Variants in RYR1 observed in about 807,000 individuals in gnomAD.
RYR1 encodes ryanodine receptor 1, also known as central core disease of muscle.
A neutral mutation model predicts 583.5 loss-of-function variants in RYR1; 342 were observed. The observed-to-expected ratio is 0.59, with a 90% CI of 0.54 to 0.64. The LOEUF (loss-of-function observed/expected upper bound fraction) is 0.64. Ranked by LOEUF, RYR1 falls within the 30% of genes least tolerant of loss-of-function variation. The pLI, the probability that RYR1 is intolerant of heterozygous loss-of-function variation, is 0.00. For synonymous variants in RYR1, 2,791 were observed against 2,822.5 expected, an observed-to-expected ratio of 0.99 and a Z score of 0.35; for missense variants, 6,032 against 6,917.2, an observed-to-expected ratio of 0.87 and a Z score of 4.54.
intron 30 of RYR1, 24 bp downstream of exon 30, chr19:38,477,894 G>GGGGT: frequency 1.8e-6 from 2 of 1,083,054 alleles, no homozygotes; most frequent in Non-Finnish European, 2.7e-6. Context: ...GGGGAGGTGG[G>GGGGT]AGGTGCAGGG....
chr19:38,507,854 C>A (rs1318680594), intron 58 of RYR1, 27 bp downstream of exon 58: 3 of 1,421,136 alleles, frequency 2.1e-6, no homozygotes, highest in Non-Finnish European at 3.0e-6. Context: ...CCCGCTTATG[C>A]CCGCCCCACC....
At chr19:38,530,278 C>G (rs1357565116) in intron 76 of RYR1, among the ~76,000 whole-genome samples, 2 of 151,426 alleles carry the variant, frequency 1.3e-5, no homozygotes, top group Non-Finnish European at 2.9e-5. Flanking sequence ...TTGAGAAGAT[C>G]TTGCTCTTCT....
rs1971121379 is a variant in RYR1, at chr19:38,519,407, C to T, written c.10212C>T (p.Asp3404=). The T allele has an allele frequency of 4.4e-6, 7 of 1,602,586 alleles. No homozygotes were observed. Among genetic ancestry groups the T allele is most frequent in the African/African-American group, 1.3e-5 (1 of 74,482 alleles). ...VRDEFSVLCR[D]LYALYPLLIR... is the part of the protein sequence containing the mutation. ...ACGAGTTCTCTGTGCTCTGCCGGGA[C>T]CTCTACGCCCTGTATCCGCTGCTCA... The change falls in exon 67 of 106, where the codon GAC becomes GAT. Residue 3404 remains aspartate, a synonymous_variant. Transcript: ENST00000359596.
chr19:38,516,175 G>A lies in RYR1; in HGVS notation c.9643G>A (p.Ala3215Thr), dbSNP rs745421419. 10 of 1,567,744 alleles carry A rather than the reference G, an allele frequency of 6.4e-6. No individual in the cohort carries two copies. The highest frequency in any genetic ancestry group is 1.2e-5 in the South Asian group (1 of 85,242). The change falls in exon 65 of 106, where the codon GCC becomes ACC. Residue 3215 changes from alanine to threonine, a missense_variant. By Grantham distance (58) the Ala-to-Thr change is moderately conservative. Transcript: ENST00000359596. ...FLEPQLNEYN[A>T]CSVYTTKSPR... is the part of the protein sequence containing the mutation. ...GGAGCCGCAGCTGAACGAGTACAAC[G>A]CCTGCTCCGTGTACACCACCAAGTC...
At chr19:38,536,986 G>T in intron 83 of RYR1, 1 of 607,432 alleles carries the variant, frequency 1.6e-6, no homozygotes. Flanking sequence ...CTGTGAACAA[G>T]TCTCTTACCT....
rs1968278303 is a variant in RYR1, at chr19:38,469,105, C to T, written c.3521C>T (p.Ser1174Phe). The T allele has an allele frequency of 3.7e-6, 6 of 1,614,214 alleles. No homozygotes were observed. Among genetic ancestry groups the T allele is most frequent in the Non-Finnish European group, 5.1e-6 (6 of 1,180,038 alleles). ...GAGGTCCTCATGTCTGACTCAGGCT[C>T]CGAAACAGCCTTCCGGGAGATTGAG... ...NGEVLMSDSG[S>F]ETAFREIEIG... is the part of the protein sequence containing the mutation. Residue 1174 changes from serine to phenylalanine, a missense_variant, in exon 26 of 106, where the codon TCC becomes TTC. Physicochemically the swap from Ser to Phe is radical, Grantham distance 155. Around this residue, in one of 11 missense-constraint regions of RYR1, gnomAD observed 2,627 missense variants for 2,961.3 expected, o/e 0.89. Coordinates refer to ENST00000359596, the MANE Select transcript of RYR1 (RefSeq NM_000540.3).
chr19:38,453,564 A>G (rs1006985930), intron 13 of RYR1, among the ~76,000 whole-genome samples: 4 of 151,956 alleles, frequency 2.6e-5, no homozygotes, highest in African/African-American at 9.7e-5. Context: ...TGGAGTTGAC[A>G]TGGCGGGGAG....
intron 49 of RYR1, among the ~76,000 whole-genome samples, 161 bp downstream of exon 49, chr19:38,503,131 C>T (rs111227660): frequency 0.036 from 5,475 of 152,254 alleles, 115 homozygotes; most frequent in Middle Eastern, 0.044. Context: ...TCCTTATTTG[C>T]ATACTAGGAT....
chr19:38,586,298 G>A, intron 104 of RYR1, 107 bp downstream of exon 104: 4 of 1,181,748 alleles, frequency 3.4e-6, no homozygotes, highest in Non-Finnish European at 4.9e-6. Flanking sequence ...TAGTGTCCAT[G>A]TGGGCAGATT....
chr19:38,478,258 C>T (rs1328591945), intron 30 of RYR1, among the ~76,000 whole-genome samples, 177 bp from the exon 31 acceptor site: 1 of 152,098 alleles, frequency 6.6e-6, no homozygotes, highest in Non-Finnish European at 1.5e-5. Flanking sequence ...GCTAGGAATC[C>T]CAGCTCCGAA....
intron 2 of RYR1, among the ~76,000 whole-genome samples, chr19:38,441,746 A>G (rs892053): frequency 0.057 from 8,512 of 148,456 alleles, 705 homozygotes; most frequent in African/African-American, 0.18. Context: ...ATGGGGGGGA[A>G]GTTTCAGAGT....
At chr19:38,442,765 G>GC (rs555814086) in intron 3 of RYR1, among the ~76,000 whole-genome samples, 133 of 152,254 alleles carry the variant, frequency 8.7e-4, no homozygotes, top group African/African-American at 2.9e-3. Flanking sequence ...CCCAGAACAG[G>GC]CCAGGCAGGA....
intron 1 of RYR1, among the ~76,000 whole-genome samples, chr19:38,437,480 T>C (rs927436215): frequency 1.3e-5 from 2 of 152,106 alleles, no homozygotes; most frequent in African/African-American, 4.8e-5. Flanking sequence ...TTTATTTTTC[T>C]CTCTGAGCCT....
intron 89 of RYR1, among the ~76,000 whole-genome samples, chr19:38,553,642 C>G (rs982584193): frequency 6.6e-6 from 1 of 152,054 alleles, no homozygotes; most frequent in Non-Finnish European, 1.5e-5. Flanking sequence ...CAACAGAGCA[C>G]AAGACTTTGT....
Position 38,442,463 on chromosome 19 carries a change from C to G in RYR1, c.270+10C>G. On this transcript the variant is annotated intron_variant, in intron 3 of 105. Coordinates refer to ENST00000359596, the MANE Select transcript of RYR1 (RefSeq NM_000540.3). The stretch of plus-strand genomic sequence containing the variant: ...GGAGGCTGGCGTGGAGGTGAGGACC[C>G]CACCTGGGGGTGGGCGGGGTGGCAG... The G allele has an allele frequency of 6.2e-7, 1 of 1,606,326 alleles. No individual in the cohort carries two copies. The highest frequency in any genetic ancestry group is 8.5e-7 in the Non-Finnish European group (1 of 1,173,222).
In RYR1 at chr19:38,491,548, C is replaced by T. The variant is rs528392521; in HGVS notation, c.6127+816C>T. Reference sequence around the variant, plus strand: ...GGCTCAAGCCATCCTCCTACCTCAGCCTCCAAAGTAGCTGGGAGAACAGGT... The same window carrying T: ...GGCTCAAGCCATCCTCCTACCTCAGTCTCCAAAGTAGCTGGGAGAACAGGT... On this transcript the variant is annotated intron_variant, in intron 37 of 105. Transcript: ENST00000359596. Among the ~76,000 whole-genome samples the T allele has an allele frequency of 8.0e-4, 121 of 152,128 alleles. 2 individuals are homozygous for T. Among genetic ancestry groups the T allele is most frequent in the Middle Eastern group, 6.8e-3 (2 of 294 alleles).
intron 20 of RYR1, among the ~76,000 whole-genome samples, chr19:38,462,870 A>G (rs1161775417): frequency 6.9e-6 from 1 of 144,978 alleles, no homozygotes; most frequent in Non-Finnish European, 1.5e-5. Context: ...CGTCCCAGAT[A>G]ATTCCTTAAT....
Position 38,527,785 on chromosome 19 carries a change from G to A in RYR1, c.10824+1G>A, listed in dbSNP as rs111694258. On this transcript the variant is annotated splice_donor_variant, in intron 73 of 105. Transcript: ENST00000359596. LOFTEE classifies it high-confidence loss of function. ...AGCCGTGCTCTACTACCTGGACCAG[G>A]TGGGTGGGGCCGGAGGGGTCTTTCT... is the stretch of plus-strand genomic sequence containing the variant. 1 of 1,614,054 alleles carries A rather than the reference G, an allele frequency of 6.2e-7. No individual in the cohort carries two copies. Among genetic ancestry groups the A allele is most frequent in the Non-Finnish European group, 8.5e-7 (1 of 1,179,998 alleles).
rs562520339 is a variant in RYR1, at chr19:38,441,593, C to CA, written c.165+732dup. On this transcript the variant is annotated intron_variant, in intron 2 of 105. Coordinates refer to ENST00000359596, the MANE Select transcript of RYR1 (RefSeq NM_000540.3). ...GGGGCCGAGGGCCTTGGATCCAAGG[C>CA]AAAGGGGCCTGGAGGGTCAGGGGAC... Among the ~76,000 whole-genome samples the CA allele has an allele frequency of 3.4e-3, 506 of 150,052 alleles. 3 individuals carry two copies. The highest frequency in any genetic ancestry group is 5.6e-3 in the Non-Finnish European group (377 of 67,628).
Sources: gnomAD v4.1 joint callset for allele counts (sites outside exome capture counted in the v4.1 genomes callset) on GRCh38, gnomAD v4.1.1 for gene constraint, gnomAD v4.1.1 regional missense constraint, MANE v1.5 for transcripts, NCBI Gene and HGNC (gene_info 2026-07-23, HGNC 2026-07-21) for gene names.